The following EFCAB11 variants were observed in gnomAD, a reference collection of about 807,000 sequenced individuals.
The protein encoded by EFCAB11 is EF-hand calcium-binding domain-containing protein 11.
A neutral mutation model predicts 23.0 loss-of-function variants in EFCAB11; 14 were observed. The ratio of observed to expected loss-of-function variants is 0.61; its 90% CI spans 0.40 to 0.95. EFCAB11 has a LOEUF of 0.95. Ranked by LOEUF, EFCAB11 falls within the 40% of genes least tolerant of loss-of-function variation. The pLI is 0.00. For synonymous variants in EFCAB11, 65 were observed against 66.6 expected (o/e 0.98, Z 0.11); for missense variants, 198 against 195.8 (o/e 1.01, Z -0.07).
intron 5 of EFCAB11, among the ~76,000 whole-genome samples, chr14:89,910,784 T>G (rs1889653225): frequency 6.6e-6 from 1 of 152,038 alleles, no homozygotes. Flanking sequence ...GGTTTTTATA[T>G]TGTGGGAAGA....
At chr14:89,819,587 G>A (rs1342300182) in intron 5 of EFCAB11, among the ~76,000 whole-genome samples, 1 of 151,550 alleles carries the variant, frequency 6.6e-6, no homozygotes, top group Admixed American at 6.6e-5. Flanking sequence ...ATGCCACCAT[G>A]TCCAGCTAAT....
chr14:89,830,958 T>C (rs936717711), intron 5 of EFCAB11: 3 of 152,068 alleles, frequency 2.0e-5, no homozygotes, highest in Admixed American at 6.6e-5. Context: ...CTATCATAGG[T>C]GAGATGAGAA....
intron 5 of EFCAB11, among the ~76,000 whole-genome samples, chr14:89,926,782 T>C (rs1281047828): frequency 2.0e-5 from 3 of 152,198 alleles, no homozygotes; most frequent in Non-Finnish European, 2.9e-5. Flanking sequence ...ATAAGCATTT[T>C]TGAACATGAA....
At chr14:89,920,249 G>A (rs2034533648) in intron 5 of EFCAB11, among the ~76,000 whole-genome samples, 1 of 152,140 alleles carries the variant, frequency 6.6e-6, no homozygotes, top group Non-Finnish European at 1.5e-5. Flanking sequence ...GAAATCTCAA[G>A]TATAACAATC....
chr14:89,925,279 G>A (rs559165961), intron 5 of EFCAB11, among the ~76,000 whole-genome samples: 247 of 152,302 alleles, frequency 1.6e-3, no homozygotes, highest in Middle Eastern at 3.4e-3. Context: ...GGGACCAGAT[G>A]TTGGAAAAGA....
chr14:89,920,468 A>C (rs1429544864), intron 5 of EFCAB11, among the ~76,000 whole-genome samples: 1 of 152,230 alleles, frequency 6.6e-6, no homozygotes, highest in Non-Finnish European at 1.5e-5. Context: ...TAAGAGCATA[A>C]GCTGGAAAGG....
intron 5 of EFCAB11, among the ~76,000 whole-genome samples, chr14:89,804,425 A>C (rs1404976187): frequency 1.3e-5 from 2 of 152,238 alleles, no homozygotes; most frequent in African/African-American, 4.8e-5. Context: ...AGCTTTACGT[A>C]GACAACTCTG....
At chr14:89,819,943 G>A (rs1346833813) in intron 5 of EFCAB11, among the ~76,000 whole-genome samples, 2 of 152,112 alleles carry the variant, frequency 1.3e-5, no homozygotes, top group Non-Finnish European at 2.9e-5. Context: ...GTAAAAATCT[G>A]TTAGGAAATC....
chr14:89,825,563 G>T (rs1566773249), intron 5 of EFCAB11, among the ~76,000 whole-genome samples: 1 of 152,042 alleles, frequency 6.6e-6, no homozygotes, highest in Non-Finnish European at 1.5e-5. Context: ...AATTAATAAA[G>T]TTGATAGCCC....
chr14:89,821,976 CAT>C (rs952873793), intron 5 of EFCAB11, among the ~76,000 whole-genome samples: 35 of 152,324 alleles, frequency 2.3e-4, no homozygotes, highest in African/African-American at 8.2e-4. Flanking sequence ...ACATAACAAA[CAT>C]AAACATTACA....
At chr14:89,927,700 G>A (rs10148808) in intron 5 of EFCAB11, among the ~76,000 whole-genome samples, 48,031 of 151,528 alleles carry the variant, frequency 0.32, 11,608 homozygotes, top group African/African-American at 0.67. Context: ...TTTCCAGTTC[G>A]CAACTTCCTT....
chr14:89,902,913 G>C (rs375560927), intron 5 of EFCAB11, among the ~76,000 whole-genome samples: 2 of 152,036 alleles, frequency 1.3e-5, no homozygotes, highest in Non-Finnish European at 2.9e-5. Context: ...ATCTCAATAC[G>C]TCACAGGTAT....
At chr14:89,814,381 G>A (rs1035919586) in intron 5 of EFCAB11, among the ~76,000 whole-genome samples, 3 of 152,092 alleles carry the variant, frequency 2.0e-5, no homozygotes, top group Admixed American at 6.5e-5. Context: ...ACAACGACAC[G>A]TAGTCATTTT....
rs536066737 is a variant in EFCAB11, at chr14:89,953,508, T to C, written c.171+398A>G. Among the ~76,000 whole-genome samples, 3 of 152,340 alleles carry C rather than the reference T, an allele frequency of 2.0e-5. No homozygotes were observed. In the East Asian group the frequency reaches 5.8e-4, roughly 29 times the overall value. ...GATTTTATGCTCAACTTTATACCTT[T>C]CTGCACTGTTTTAATTTTTTGACCG... On this transcript the variant is annotated intron_variant, in intron 2 of 5. Transcript: ENST00000316738.
At chr14:89,813,501 G>C (rs1886219561) in intron 5 of EFCAB11, among the ~76,000 whole-genome samples, 1 of 152,174 alleles carries the variant, frequency 6.6e-6, no homozygotes, top group Non-Finnish European at 1.5e-5. Context: ...GGTTTGGTAT[G>C]AATATGGTTG....
intron 5 of EFCAB11, 146 bp from the exon 6 acceptor site, chr14:89,797,470 T>A: frequency 3.4e-6 from 2 of 591,096 alleles, no homozygotes; most frequent in Middle Eastern, 2.7e-4. Context: ...GATGCCTGTT[T>A]TTTCATTGAT....
intron 5 of EFCAB11, among the ~76,000 whole-genome samples, chr14:89,827,010 C>G (rs1231782656): frequency 6.6e-6 from 1 of 152,122 alleles, no homozygotes; most frequent in Non-Finnish European, 1.5e-5. Flanking sequence ...TTTATTATAT[C>G]AGTTGGGATT....
chr14:89,870,898 C>T (rs567316141), intron 5 of EFCAB11, among the ~76,000 whole-genome samples: 123 of 152,236 alleles, frequency 8.1e-4, no homozygotes, highest in African/African-American at 2.7e-3. Flanking sequence ...CAAGATCGTG[C>T]CCCTGCACTG....
intron 5 of EFCAB11, among the ~76,000 whole-genome samples, chr14:89,926,068 G>A (rs575115862): frequency 3.3e-5 from 5 of 151,946 alleles, no homozygotes; most frequent in South Asian, 2.1e-4. Flanking sequence ...CACTCGTCTC[G>A]GCCTCCCAAA....
Sources: allele counts gnomAD v4.1 joint callset (sites outside exome capture counted in the v4.1 genomes callset), GRCh38; gene constraint gnomAD v4.1.1; transcripts MANE v1.5; gene names NCBI Gene and HGNC (gene_info 2026-07-23, HGNC 2026-07-21).